Variants in HDAC9 observed in about 807,000 individuals in gnomAD.
HDAC9 encodes histone deacetylase 9.
A neutral mutation model predicts 139.4 loss-of-function variants in HDAC9; 41 were observed. The ratio of observed to expected loss-of-function variants is 0.29; its 90% CI spans 0.23 to 0.38. The LOEUF (loss-of-function observed/expected upper bound fraction) is 0.38. Among genes scored for constraint, HDAC9 ranks in the 10% least tolerant of loss-of-function variants. The pLI is 1.00. For missense variants in HDAC9, 1,147 were observed against 1,297.0 expected (o/e 0.88, Z 1.78); for synonymous variants, 517 against 476.2 (o/e 1.09, Z -1.12).
At chr7:18,408,046 G>C (rs1473983789) in intron 1 of HDAC9, among the ~76,000 whole-genome samples, 1 of 151,974 alleles carries the variant, frequency 6.6e-6, no homozygotes, top group Non-Finnish European at 1.5e-5. Flanking sequence ...ATTATTGAGG[G>C]GATTAAATGA....
intron 23 of HDAC9, among the ~76,000 whole-genome samples, chr7:18,946,326 A>T (rs572444820): frequency 6.6e-6 from 1 of 152,244 alleles, no homozygotes; most frequent in African/African-American, 2.4e-5. Flanking sequence ...GGGTGGTTGT[A>T]CAAATCACAT....
At chr7:18,963,322 G>A (rs7789723) in intron 24 of HDAC9, among the ~76,000 whole-genome samples, 1 of 152,084 alleles carries the variant, frequency 6.6e-6, no homozygotes, top group East Asian at 1.9e-4. Flanking sequence ...TTTGATCTTT[G>A]TCCACTCCTG....
chr7:18,940,248 TTTC>T lies in HDAC9; in HGVS notation c.2937+4312_2937+4314del, dbSNP rs1393117299. Among the ~76,000 whole-genome samples the T allele has an allele frequency of 3.9e-5, 6 of 152,292 alleles. No homozygotes were observed. In the East Asian group the frequency reaches 1.2e-3, roughly 29 times the overall value. On this transcript the variant is annotated intron_variant, in intron 23 of 25. Coordinates refer to ENST00000686413, the MANE Select transcript of HDAC9 (RefSeq NM_178425.4). Reference sequence around the variant, plus strand: ...TGAGTGTTGCACCCAAAACATGCATTTTCTTCTTTTTAAATATCTTTATCATGA... The same window carrying T: ...TGAGTGTTGCACCCAAAACATGCATTTTCTTTTTAAATATCTTTATCATGA...
At chr7:18,676,164 G>A (rs917455553) in intron 12 of HDAC9, among the ~76,000 whole-genome samples, 3 of 151,842 alleles carry the variant, frequency 2.0e-5, no homozygotes, top group Non-Finnish European at 4.4e-5. Context: ...TAGCCTATAG[G>A]GGGTTCTCTT....
At chr7:18,818,005 G>C (rs1794697873) in intron 17 of HDAC9, among the ~76,000 whole-genome samples, 1 of 152,136 alleles carries the variant, frequency 6.6e-6, no homozygotes, top group African/African-American at 2.4e-5. Flanking sequence ...ATATGAATTT[G>C]GGTAGCTGAA....
intron 24 of HDAC9, among the ~76,000 whole-genome samples, chr7:18,962,761 G>A (rs1020805760): frequency 6.6e-6 from 1 of 152,160 alleles, no homozygotes; most frequent in Non-Finnish European, 1.5e-5. Context: ...AGTCAGGTTT[G>A]AGGGAAGATC....
At chr7:18,803,475 T>A in intron 17 of HDAC9, among the ~76,000 whole-genome samples, 1 of 152,170 alleles carries the variant, frequency 6.6e-6, no homozygotes, top group East Asian at 1.9e-4. Flanking sequence ...TTTTTCGGAT[T>A]TTCCTTACTG....
At chr7:18,451,812 G>T (rs1195848295) in intron 1 of HDAC9, among the ~76,000 whole-genome samples, 1 of 151,988 alleles carries the variant, frequency 6.6e-6, no homozygotes, top group East Asian at 1.9e-4. Flanking sequence ...GAAGGAGTTT[G>T]TGGTCCCTAG....
At chr7:18,592,013 T>C (rs1227231254) in intron 5 of HDAC9, among the ~76,000 whole-genome samples, 2 of 152,164 alleles carry the variant, frequency 1.3e-5, no homozygotes, top group East Asian at 3.9e-4. Context: ...TCTCAACTGG[T>C]GCATTTGGTA....
At chr7:18,163,079 A>G (rs1178021200) in intron 2 of HDAC9, among the ~76,000 whole-genome samples, 1 of 152,184 alleles carries the variant, frequency 6.6e-6, no homozygotes, top group African/African-American at 2.4e-5. Context: ...ATTCCTTAGC[A>G]TATTGATATC....
intron 1 of HDAC9, among the ~76,000 whole-genome samples, chr7:18,318,593 G>C (rs1195775149): frequency 6.6e-6 from 1 of 152,158 alleles, no homozygotes; most frequent in Non-Finnish European, 1.5e-5. Flanking sequence ...CTGTTCTATT[G>C]TTGATTTGAA....
chr7:18,970,813 A>C (rs1784198598), intron 24 of HDAC9, among the ~76,000 whole-genome samples: 1 of 151,882 alleles, frequency 6.6e-6, no homozygotes, highest in African/African-American at 2.4e-5. Context: ...AAAAAGGTAA[A>C]AAAAAGCAAA....
At chr7:18,178,287 G>A (rs1233741525) in intron 2 of HDAC9, among the ~76,000 whole-genome samples, 1 of 152,204 alleles carries the variant, frequency 6.6e-6, no homozygotes, top group Non-Finnish European at 1.5e-5. Flanking sequence ...GTTTCACTAT[G>A]TTGGCCAGAC....
At chr7:18,411,249 G>T (rs904939695) in intron 1 of HDAC9, among the ~76,000 whole-genome samples, 2 of 152,160 alleles carry the variant, frequency 1.3e-5, no homozygotes, top group East Asian at 1.9e-4. Flanking sequence ...ATGGTTTGAC[G>T]TAAGATTTTT....
chr7:18,519,981 A>G (rs1439713976), intron 2 of HDAC9, among the ~76,000 whole-genome samples: 1 of 152,168 alleles, frequency 6.6e-6, no homozygotes, highest in African/African-American at 2.4e-5. Context: ...TATACAGTAC[A>G]TATAGCATAG....
chr7:18,984,487 T>C (rs1378662039), intron 25 of HDAC9, among the ~76,000 whole-genome samples: 2 of 152,058 alleles, frequency 1.3e-5, no homozygotes, highest in Non-Finnish European at 2.9e-5. Context: ...GGTCTATACA[T>C]TGAACAGAGA....
chr7:18,368,511 T>G (rs1015048252), intron 1 of HDAC9, among the ~76,000 whole-genome samples: 5 of 152,012 alleles, frequency 3.3e-5, no homozygotes, highest in Non-Finnish European at 7.4e-5. Context: ...TACACTATGT[T>G]TATAGAGCAA....
rs763152863 is a variant in HDAC9 at position 18,644,680 on chromosome 7, T to A, written c.922T>A (p.Ser308Thr). The A allele has an allele frequency of 5.0e-6, 8 of 1,609,568 alleles. No individual in the cohort carries two copies. In the East Asian group the frequency reaches 1.1e-4, roughly 23 times the overall value. ...CCTCTTTTTTTAACAGCAAATGGTTTCACAGCAACGCATTCTAATTCATGA... is the reference window on the plus strand; with the variant it reads ...CCTCTTTTTTTAACAGCAAATGGTTACACAGCAACGCATTCTAATTCATGA... ...PPTPHAEQMV[S>T]QQRILIHEDS... Residue 308 changes from serine to threonine, a missense_variant, in exon 9 of 26, where the codon TCA becomes ACA. Ser to Thr is a moderately conservative substitution (Grantham distance 58). Around this residue, in one of 7 missense-constraint regions of HDAC9, gnomAD observed 264 missense variants for 273.8 expected, o/e 0.96. Transcript: ENST00000686413.
In HDAC9 at chr7:18,835,504, A is replaced by T. The variant is rs1796171654; in HGVS notation, c.2504A>T (p.Tyr835Phe). ...HHGNGTQQAFYADPSILYISL... is the reference protein window; with the variant it reads ...HHGNGTQQAFFADPSILYISL... ...GGAAACGGTACCCAGCAGGCCTTTT[A>T]TGCTGACCCCAGCATCCTGTACATT... Residue 835 changes from tyrosine (Y) to phenylalanine (F), a missense_variant, in exon 20 of 26, where the codon TAT becomes TTT. Tyr to Phe is a conservative substitution (Grantham distance 22). Coordinates refer to ENST00000686413, the MANE Select transcript of HDAC9 (RefSeq NM_178425.4). The T allele has an allele frequency of 1.2e-6, 2 of 1,613,714 alleles. No individual in the cohort carries two copies. The highest frequency in any genetic ancestry group is 1.7e-6 in the Non-Finnish European group (2 of 1,179,670).
Sources: gnomAD v4.1 joint callset for allele counts (sites outside exome capture counted in the v4.1 genomes callset) on GRCh38, gnomAD v4.1.1 for gene constraint, gnomAD v4.1.1 regional missense constraint, MANE v1.5 for transcripts, NCBI Gene and HGNC (gene_info 2026-07-23, HGNC 2026-07-21) for gene names.